Variants in RYR3 observed in about 807,000 individuals in gnomAD.
RYR3 encodes brain ryanodine receptor-calcium release channel.
RYR3 carries 207 observed loss-of-function variants against 584.3 expected under a neutral mutation model. That is an observed-to-expected ratio of 0.35 (90% confidence interval 0.32 to 0.40). The LOEUF (loss-of-function observed/expected upper bound fraction) is 0.40. Ranked by LOEUF, RYR3 falls within the 10% of genes least tolerant of loss-of-function variation. The pLI, the probability that RYR3 is intolerant of heterozygous loss-of-function variation, is 1.00. For missense variants in RYR3, 5,616 were observed against 6,089.2 expected (o/e 0.92, Z 2.59); for synonymous variants, 2,416 against 2,248.5 (o/e 1.07, Z -2.11).
intron 74 of RYR3, 108 bp downstream of exon 74, chr15:33,813,687 C>A (rs1448733290): frequency 4.3e-6 from 4 of 937,980 alleles, no homozygotes; most frequent in Non-Finnish European, 6.8e-6. Context: ...AAATTGGAAT[C>A]CTTGGCCTAT....
At chr15:33,581,461 C>G in intron 13 of RYR3, 47 bp from the exon 14 acceptor site, 1 of 1,596,160 alleles carries the variant, frequency 6.3e-7, no homozygotes, top group Non-Finnish European at 8.6e-7. Flanking sequence ...AGGGACTGTG[C>G]TTTCTTAATC....
At position 33,647,393 on chromosome 15, in the gene RYR3, ATAAC is replaced by A. The variant is rs773826287; in HGVS notation, c.3942-27_3942-24del. 2.9e-5 allele frequency: 46 copies of A among 1,586,382 alleles called. No individual in the cohort carries two copies. The Middle Eastern group carries it at 5.0e-4, about 17-fold the overall frequency. On this transcript the variant is annotated intron_variant, in intron 29 of 103. Transcript: ENST00000634891. Reference sequence around the variant, plus strand: ...ACTGTGGGATTCTCAATACAGCTGAATAACTAAAACATGGATTATCTTTCCCCCA... The same window carrying A: ...ACTGTGGGATTCTCAATACAGCTGAATAAAACATGGATTATCTTTCCCCCA...
chr15:33,820,927 A>T (rs1159446685), intron 78 of RYR3, 115 bp downstream of exon 78: 1 of 88,742 alleles, frequency 1.1e-5, no homozygotes, highest in Non-Finnish European at 1.6e-5. Context: ...AGCCAGAAAT[A>T]CTCAAGTTGA....
chr15:33,788,769 G>A (rs2074905751), intron 67 of RYR3, among the ~76,000 whole-genome samples: 2 of 152,156 alleles, frequency 1.3e-5, no homozygotes, highest in South Asian at 4.1e-4. Flanking sequence ...GTTCACTAAC[G>A]TATTCCTTCA....
chr15:33,741,488 T>G (rs149108781), intron 51 of RYR3, among the ~76,000 whole-genome samples: 2 of 152,204 alleles, frequency 1.3e-5, no homozygotes, highest in African/African-American at 2.4e-5. Context: ...GCATGCAATA[T>G]AAGACTGTGC....
intron 43 of RYR3, among the ~76,000 whole-genome samples, chr15:33,715,559 A>G (rs914478107): frequency 2.0e-5 from 3 of 152,210 alleles, no homozygotes; most frequent in Non-Finnish European, 4.4e-5. Flanking sequence ...ACTGTAAGGT[A>G]TCTTAGTCCA....
intron 64 of RYR3, among the ~76,000 whole-genome samples, chr15:33,776,399 C>T (rs1445984573): frequency 6.6e-6 from 1 of 152,192 alleles, no homozygotes; most frequent in African/African-American, 2.4e-5. Flanking sequence ...CTTTGATGAA[C>T]TTAAAGAGCA....
chr15:33,572,656 T>C (rs7174972), intron 12 of RYR3, among the ~76,000 whole-genome samples: 96,840 of 123,132 alleles, frequency 0.79, 37,952 homozygotes, highest in Middle Eastern at 0.93. Flanking sequence ...AAAAACTATA[T>C]ATACACACAC....
intron 26 of RYR3, 79 bp from the exon 27 acceptor site, chr15:33,636,297 T>C (rs2061495467): frequency 1.6e-6 from 2 of 1,227,124 alleles, no homozygotes; most frequent in South Asian, 1.3e-5. Context: ...TTAGGAGATA[T>C]CGAAGATATG....
rs778795375 is a variant in RYR3 at position 33,769,129 on chromosome 15, A to G, written c.8773A>G (p.Met2925Val). 1.7e-5 allele frequency: 27 copies of G among 1,613,406 alleles called. No individual in the cohort carries two copies. Among genetic ancestry groups the G allele is most frequent in the Middle Eastern group, 3.3e-4 (2 of 6,084 alleles). ...TATTCCAGGTAGTGATTCTACTACA[A>G]TGGTGAGCTGTCTTCACATCTTAGC... ...ISLFGSDSTT[M>V]VSCLHILAQT... Residue 2925 changes from methionine to valine, a missense_variant, in exon 62 of 104, where the codon ATG becomes GTG. Met to Val is a conservative substitution (Grantham distance 21). Around this residue, in one of 9 missense-constraint regions of RYR3, gnomAD observed 1,280 missense variants for 1,426.2 expected, o/e 0.90. Transcript: ENST00000634891.
intron 3 of RYR3, among the ~76,000 whole-genome samples, chr15:33,505,256 GA>G (rs1321568777): frequency 4.6e-5 from 7 of 152,306 alleles, no homozygotes; most frequent in Non-Finnish European, 1.0e-4. Flanking sequence ...AGTGTTCTGT[GA>G]ATTAGATCTC....
In RYR3 at chr15:33,864,189, G is replaced by C. The variant is rs1456505250; in HGVS notation, c.14517G>C (p.Gln4839His). 1 of 1,609,258 alleles carries C rather than the reference G, an allele frequency of 6.2e-7. No homozygotes were observed. The highest frequency in any genetic ancestry group is 8.5e-7 in the Non-Finnish European group (1 of 1,177,132). The stretch of plus-strand genomic sequence containing the variant: ...AAGATGAAACAGAGCACACGGGTCA[G>C]GTGAGAAATTAAGAATCATATACCC... The part of the protein sequence containing the change: ...INKDETEHTG[Q>H]ESYVWKMYQE... The change falls in exon 103 of 104, where the codon CAG becomes CAC. Residue 4839 changes from glutamine (Q) to histidine (H), a missense_variant and splice_region_variant. Transcript: ENST00000634891.
At chr15:33,829,419 C>G (rs2077547228) in intron 85 of RYR3, among the ~76,000 whole-genome samples, 1 of 152,052 alleles carries the variant, frequency 6.6e-6, no homozygotes. Flanking sequence ...AAGTTGAAAA[C>G]CTTCTGGAAA....
intron 64 of RYR3, 58 bp downstream of exon 64, chr15:33,773,673 C>T (rs2152891414): frequency 9.5e-7 from 1 of 1,055,332 alleles, no homozygotes; most frequent in Non-Finnish European, 1.4e-6. Context: ...TACTTACAGC[C>T]TTTTACACAC....
chr15:33,641,778 C>T (rs2061840182), intron 27 of RYR3, among the ~76,000 whole-genome samples: 1 of 152,198 alleles, frequency 6.6e-6, no homozygotes, highest in Non-Finnish European at 1.5e-5. Flanking sequence ...GCATCCATGA[C>T]TTTTGTTACC....
chr15:33,465,283 C>T (rs11853352), intron 1 of RYR3, among the ~76,000 whole-genome samples: 18 of 152,124 alleles, frequency 1.2e-4, no homozygotes, highest in East Asian at 5.8e-4. Flanking sequence ...CTATATCTAT[C>T]GATAGATATC....
chr15:33,425,582 C>T (rs921494801), intron 1 of RYR3, among the ~76,000 whole-genome samples: 37 of 151,586 alleles, frequency 2.4e-4, no homozygotes, highest in Non-Finnish European at 4.0e-4. Context: ...CTATAGTCTA[C>T]AGTCTGTTTT....
intron 1 of RYR3, among the ~76,000 whole-genome samples, chr15:33,324,340 A>T (rs1278704681): frequency 7.9e-5 from 12 of 152,196 alleles, no homozygotes; most frequent in Non-Finnish European, 1.5e-5. Context: ...TGGGGGAAGG[A>T]AGGGTACTCT....
rs2303311 is a variant in RYR3, at chr15:33,864,224, C to A, written c.14517+35C>A. Reference sequence around the variant, plus strand: ...TAAGAATCATATACCCGTGTTAGATCTCCCTTTCCTAAATCTTGAGACTTA... The same window carrying A: ...TAAGAATCATATACCCGTGTTAGATATCCCTTTCCTAAATCTTGAGACTTA... On this transcript the variant is annotated intron_variant, in intron 103 of 103. Coordinates refer to ENST00000634891, the MANE Select transcript of RYR3 (RefSeq NM_001036.6). 1,444 of 1,535,566 alleles carry A rather than the reference C, an allele frequency of 9.4e-4. 17 individuals are homozygous for A. The Admixed American group carries it at 0.018, about 19-fold the overall frequency.
Sources: allele counts gnomAD v4.1 joint callset (sites outside exome capture counted in the v4.1 genomes callset), GRCh38; gene constraint gnomAD v4.1.1; regional missense constraint gnomAD v4.1.1; transcripts MANE v1.5; gene names NCBI Gene and HGNC (gene_info 2026-07-23, HGNC 2026-07-21).